Variants in TLL1 observed in about 807,000 individuals in gnomAD.
TLL1 encodes tolloid like 1.
TLL1 carries 49 observed loss-of-function variants against 128.2 expected under a neutral mutation model. That is an observed-to-expected ratio of 0.38 (90% CI 0.30 to 0.48). The LOEUF (loss-of-function observed/expected upper bound fraction) is 0.48, where lower values mean the gene tolerates loss of function less well. Ranked by LOEUF, TLL1 falls within the 20% of genes least tolerant of loss-of-function variation. TLL1 has a pLI of 0.96. For synonymous variants in TLL1, 454 were observed against 418.8 expected (o/e 1.08, Z -1.03); for missense variants, 1,123 against 1,242.0 (o/e 0.90, Z 1.44).
chr4:166,061,238 C>CTTTTTTTTT (rs1204049312), intron 15 of TLL1, among the ~76,000 whole-genome samples: 1 of 143,188 alleles, frequency 7.0e-6, no homozygotes. Flanking sequence ...TCCTCCTTTC[C>CTTTTTTTTT]TTTTTTTTTT....
intron 16 of TLL1, among the ~76,000 whole-genome samples, chr4:166,070,652 T>A (rs1740772335): frequency 6.6e-6 from 1 of 151,936 alleles, no homozygotes; most frequent in South Asian, 2.1e-4. Context: ...CCAGTTCATT[T>A]CTGTCTGTAA....
At chr4:166,069,811 G>T (rs1216585115) in intron 16 of TLL1, among the ~76,000 whole-genome samples, 1 of 151,628 alleles carries the variant, frequency 6.6e-6, no homozygotes, top group East Asian at 1.9e-4. Flanking sequence ...TCATAAAAAT[G>T]CTGTAGCTTA....
intron 1 of TLL1, among the ~76,000 whole-genome samples, chr4:165,926,409 T>C (rs929525078): frequency 1.3e-5 from 2 of 152,144 alleles, no homozygotes; most frequent in African/African-American, 4.8e-5. Flanking sequence ...GCACGAGAAC[T>C]GGAATTTGGA....
At chr4:165,922,133 G>C (rs1733067791) in intron 1 of TLL1, among the ~76,000 whole-genome samples, 1 of 152,136 alleles carries the variant, frequency 6.6e-6, no homozygotes, top group Non-Finnish European at 1.5e-5. Flanking sequence ...CTCCCCAGTT[G>C]ACCTATGCCA....
chr4:165,923,786 A>AT (rs931593788), intron 1 of TLL1, among the ~76,000 whole-genome samples: 4 of 152,012 alleles, frequency 2.6e-5, no homozygotes, highest in African/African-American at 4.8e-5. Context: ...CAGATACTGC[A>AT]TTTTTTTAAC....
intron 5 of TLL1, among the ~76,000 whole-genome samples, chr4:165,997,364 T>C (rs1201191992): frequency 6.6e-6 from 1 of 152,180 alleles, no homozygotes; most frequent in Non-Finnish European, 1.5e-5. Flanking sequence ...GTGTAGCATT[T>C]AACAATATCT....
At chr4:165,961,513 G>A (rs1015596789) in intron 1 of TLL1, among the ~76,000 whole-genome samples, 1 of 151,984 alleles carries the variant, frequency 6.6e-6, no homozygotes, top group Non-Finnish European at 1.5e-5. Flanking sequence ...AATAGTTAAA[G>A]TAATCCTATC....
intron 1 of TLL1, among the ~76,000 whole-genome samples, chr4:165,912,654 G>A (rs904347998): frequency 4.0e-5 from 6 of 151,140 alleles, no homozygotes; most frequent in African/African-American, 1.5e-4. Flanking sequence ...AGGTTGCCAA[G>A]TCGATTTCCT....
chr4:165,997,116 A>T (rs1429381775), intron 5 of TLL1, among the ~76,000 whole-genome samples: 3 of 151,998 alleles, frequency 2.0e-5, no homozygotes, highest in African/African-American at 7.2e-5. Context: ...TGGAATTACC[A>T]TTGTTGACAC....
intron 1 of TLL1, among the ~76,000 whole-genome samples, chr4:165,926,497 G>C (rs1733274677): frequency 6.6e-6 from 1 of 152,174 alleles, no homozygotes. Flanking sequence ...ACAGAGGAAG[G>C]TGATGCGGAT....
At chr4:165,922,225 A>G (rs1002572148) in intron 1 of TLL1, among the ~76,000 whole-genome samples, 3 of 152,172 alleles carry the variant, frequency 2.0e-5, no homozygotes, top group Non-Finnish European at 4.4e-5. Context: ...TTCATAGTTT[A>G]AACAACATAA....
At chr4:165,925,877 AG>A (rs1385860334) in intron 1 of TLL1, among the ~76,000 whole-genome samples, 7 of 152,198 alleles carry the variant, frequency 4.6e-5, no homozygotes, top group African/African-American at 1.7e-4. Context: ...ATCAGCAAAA[AG>A]ATTACTATTT....
chr4:165,954,102 C>T (rs1242601457), intron 1 of TLL1, among the ~76,000 whole-genome samples: 1 of 152,064 alleles, frequency 6.6e-6, no homozygotes, highest in African/African-American at 2.4e-5. Flanking sequence ...TTTAACTCCT[C>T]AAATAATGGC....
At chr4:165,994,943 T>C (rs1434697449) in intron 4 of TLL1, 118 bp from the exon 5 acceptor site, 2 of 776,268 alleles carry the variant, frequency 2.6e-6, no homozygotes, top group African/African-American at 3.4e-5. Flanking sequence ...TAGTATTCTT[T>C]GGTTGATGAT....
chr4:166,087,870 T>C (rs1030430365), intron 18 of TLL1, among the ~76,000 whole-genome samples: 1 of 152,138 alleles, frequency 6.6e-6, no homozygotes, highest in Non-Finnish European at 1.5e-5. Context: ...TTCTTTTGAA[T>C]TGGACTCCTT....
chr4:166,096,309 A>ATAGTGTGTCACGGTTAGAAATTAATTC (rs1459129257), intron 19 of TLL1, among the ~76,000 whole-genome samples: 1 of 151,766 alleles, frequency 6.6e-6, no homozygotes, highest in African/African-American at 2.4e-5. Flanking sequence ...GAGGGTGTGC[A>ATAGTGTGTCACGGTTAGAAATTAATTC]CTGCAACAGA....
chr4:165,934,145 C>A (rs983225156), intron 1 of TLL1, among the ~76,000 whole-genome samples: 4 of 151,268 alleles, frequency 2.6e-5, no homozygotes, highest in Non-Finnish European at 2.9e-5. Context: ...ATTACAGGTG[C>A]CTGCCACCAC....
intron 1 of TLL1, among the ~76,000 whole-genome samples, chr4:165,986,042 T>C (rs1283072831): frequency 1.3e-5 from 2 of 151,920 alleles, no homozygotes; most frequent in Non-Finnish European, 2.9e-5. Context: ...CTGATCTCAC[T>C]AACCTCAAAT....
At chr4:165,906,742 T>C (rs1429409800) in intron 1 of TLL1, among the ~76,000 whole-genome samples, 1 of 152,076 alleles carries the variant, frequency 6.6e-6, no homozygotes, top group Non-Finnish European at 1.5e-5. Flanking sequence ...CTTAGTAAAT[T>C]GTCTCTTTGA....
Sources: allele counts gnomAD v4.1 joint callset (sites outside exome capture counted in the v4.1 genomes callset), GRCh38; gene constraint gnomAD v4.1.1; transcripts MANE v1.5; gene names NCBI Gene and HGNC (gene_info 2026-07-23, HGNC 2026-07-21).